TMC1: variants seen among roughly 807,000 people sequenced by gnomAD.
TMC1 encodes transmembrane channel like 1.
TMC1 carries 84 observed loss-of-function variants against 105.8 expected under a neutral mutation model. The observed-to-expected ratio is 0.79, with a 90% CI of 0.67 to 0.95. TMC1 has a LOEUF of 0.95. TMC1 is among the 40% of genes least tolerant of loss of function. The pLI, the probability that TMC1 is intolerant of heterozygous loss-of-function variation, is 0.00. For synonymous variants in TMC1, 315 were observed against 311.5 expected, an observed-to-expected ratio of 1.01 and a Z score of -0.12; for missense variants, 817 against 914.1, an observed-to-expected ratio of 0.89 and a Z score of 1.37.
chr9:72,536,836 C>G (rs1280532043), intron 1 of TMC1, among the ~76,000 whole-genome samples: 2 of 152,098 alleles, frequency 1.3e-5, no homozygotes, highest in African/African-American at 4.8e-5. Context: ...GCTGGTGGCT[C>G]TATAATTCTG....
chr9:72,720,738 A>G (rs757953781), intron 8 of TMC1, among the ~76,000 whole-genome samples: 1 of 152,216 alleles, frequency 6.6e-6, no homozygotes, highest in Non-Finnish European at 1.5e-5. Context: ...TAGCAGTGAC[A>G]GGTATCTCAG....
chr9:72,788,754 A>G (rs1042065127), intron 14 of TMC1, among the ~76,000 whole-genome samples: 2 of 152,242 alleles, frequency 1.3e-5, no homozygotes, highest in African/African-American at 4.8e-5. Flanking sequence ...AGTAATCAGA[A>G]TAAGATATTT....
At chr9:72,653,058 A>AT (rs1377448101) in intron 5 of TMC1, among the ~76,000 whole-genome samples, 7 of 152,236 alleles carry the variant, frequency 4.6e-5, no homozygotes, top group African/African-American at 1.7e-4. Context: ...AATAATTTAT[A>AT]TATCAATGTG....
chr9:72,714,249 G>A (rs1252145302), intron 8 of TMC1, among the ~76,000 whole-genome samples: 3 of 152,126 alleles, frequency 2.0e-5, no homozygotes, highest in Non-Finnish European at 4.4e-5. Flanking sequence ...TGTTTATTTC[G>A]GGTGGAGAGT....
At chr9:72,714,203 A>C (rs1374622026) in intron 8 of TMC1, among the ~76,000 whole-genome samples, 1 of 152,184 alleles carries the variant, frequency 6.6e-6, no homozygotes. Flanking sequence ...CAATTTTAGA[A>C]TAAGTGCGAT....
rs577832759 is a variant in TMC1 at position 72,557,784 on chromosome 9, ATCTGCTCAC to A, written c.-427-20115_-427-20107del. On this transcript the variant is annotated intron_variant, in intron 1 of 23. Coordinates refer to ENST00000297784, the MANE Select transcript of TMC1 (RefSeq NM_138691.3). ...ACTGAGTCATTTGCCTGTGGCATTG[ATCTGCTCAC>A]TCAAGTCTTCCGGTGTTTTGGTGTG... 2.2e-3 allele frequency among the ~76,000 whole-genome samples: 338 copies of A among 152,284 alleles called. 3 individuals carry two copies. The highest frequency in any genetic ancestry group is 7.8e-3 in the African/African-American group (325 of 41,552).
At chr9:72,707,618 T>C (rs78940551) in intron 8 of TMC1, among the ~76,000 whole-genome samples, 1 of 152,212 alleles carries the variant, frequency 6.6e-6, no homozygotes, top group Admixed American at 6.5e-5. Flanking sequence ...TTTGTATTTT[T>C]CTTGCTAATT....
rs1406540936 is a variant in TMC1, at chr9:72,725,353, ATATATATATATATATG to A, written c.363-14759_363-14744del. On this transcript the variant is annotated intron_variant, in intron 8 of 23. Transcript: ENST00000297784. ...TATATATATATATATATATATATAT[ATATATATATATATATG>A]TATATACACACACACATGCGTACAT... 4.4e-3 allele frequency among the ~76,000 whole-genome samples: 370 copies of A among 83,546 alleles called. 7 individuals are homozygous for A. Among genetic ancestry groups the A allele is most frequent in the African/African-American group, 0.014 (282 of 20,716 alleles). The allele number at this position is 83,546 out of a possible 152,430, so 54.8% of individuals were successfully genotyped here. A position where few individuals can be genotyped will look rare whatever the true frequency, so the allele number is the denominator to read the frequency against.
intron 1 of TMC1, among the ~76,000 whole-genome samples, chr9:72,569,565 T>C (rs1238028577): frequency 6.6e-6 from 1 of 152,154 alleles, no homozygotes; most frequent in Non-Finnish European, 1.5e-5. Flanking sequence ...CCAAATGAAC[T>C]ATTCTCCAGG....
chr9:72,697,514 C>G (rs373652577), intron 7 of TMC1, among the ~76,000 whole-genome samples: 1 of 152,086 alleles, frequency 6.6e-6, no homozygotes. Context: ...AAAGACATTT[C>G]ATATGATTTT....
At chr9:72,645,958 T>C (rs1216467744) in intron 4 of TMC1, among the ~76,000 whole-genome samples, 2 of 152,208 alleles carry the variant, frequency 1.3e-5, no homozygotes, top group East Asian at 3.8e-4. Context: ...GAGCTTATAT[T>C]GAGAAATAAA....
chr9:72,654,589 T>C (rs1240750331), intron 5 of TMC1, among the ~76,000 whole-genome samples: 3 of 152,186 alleles, frequency 2.0e-5, no homozygotes, highest in Non-Finnish European at 4.4e-5. Flanking sequence ...ACATATGTTT[T>C]AGGAACCTTA....
intron 5 of TMC1, among the ~76,000 whole-genome samples, chr9:72,677,085 A>C (rs1321541817): frequency 6.6e-6 from 1 of 151,820 alleles, no homozygotes; most frequent in Non-Finnish European, 1.5e-5. Context: ...TCTTGAGGAC[A>C]GAGACTTCCT....
chr9:72,685,252 G>A (rs999190834), intron 5 of TMC1, among the ~76,000 whole-genome samples: 52 of 151,026 alleles, frequency 3.4e-4, no homozygotes, highest in Non-Finnish European at 6.2e-4. Flanking sequence ...GACTACAGGC[G>A]CCCACCACCA....
chr9:72,741,287 AT>A (rs1827385866), intron 9 of TMC1: 1 of 245,776 alleles, frequency 4.1e-6, no homozygotes. Context: ...TAATTTTGCC[AT>A]TTTCATCCAC....
intron 2 of TMC1, among the ~76,000 whole-genome samples, chr9:72,602,567 G>T (rs1371454656): frequency 6.6e-6 from 1 of 151,910 alleles, no homozygotes; most frequent in East Asian, 1.9e-4. Flanking sequence ...TAGAGATGGG[G>T]TTTCACCATG....
intron 23 of TMC1, among the ~76,000 whole-genome samples, chr9:72,834,865 A>T (rs574670235): frequency 6.6e-6 from 1 of 152,176 alleles, no homozygotes; most frequent in Admixed American, 6.5e-5. Flanking sequence ...TTGCCCCACC[A>T]AGCTTGACTG....
At chr9:72,817,323 T>G in intron 19 of TMC1, 1 of 152,266 alleles carries the variant, frequency 6.6e-6, no homozygotes, top group South Asian at 2.1e-4. Flanking sequence ...TTCCCTTCCT[T>G]TCTAAATTTT....
At chr9:72,620,923 A>G (rs555206293) in intron 3 of TMC1, among the ~76,000 whole-genome samples, 2 of 152,344 alleles carry the variant, frequency 1.3e-5, no homozygotes, top group East Asian at 3.9e-4. Context: ...TGAGTTTACT[A>G]TGCCTGGTGT....
Sources: allele counts gnomAD v4.1 joint callset (sites outside exome capture counted in the v4.1 genomes callset), GRCh38; gene constraint gnomAD v4.1.1; transcripts MANE v1.5; gene names NCBI Gene and HGNC (gene_info 2026-07-23, HGNC 2026-07-21).